CACNA2D3: variants seen among roughly 807,000 people sequenced by gnomAD.
CACNA2D3 encodes the protein voltage-dependent calcium channel subunit alpha-2/delta-3.
A neutral mutation model predicts 160.6 loss-of-function variants in CACNA2D3; 60 were observed. That is an observed-to-expected ratio of 0.37 (90% CI 0.30 to 0.46). The LOEUF is 0.46. Ranked by LOEUF, CACNA2D3 falls within the 20% of genes least tolerant of loss-of-function variation. The pLI is 1.00. For synonymous variants in CACNA2D3, 558 were observed against 492.9 expected, an observed-to-expected ratio of 1.13 and a Z score of -1.75; for missense variants, 1,205 against 1,365.0, an observed-to-expected ratio of 0.88 and a Z score of 1.85.
At position 54,685,422 on chromosome 3, in the gene CACNA2D3, A is replaced by G. The variant is rs552917071; in HGVS notation, c.1167+43181A>G. On this transcript the variant is annotated intron_variant, in intron 11 of 37. Coordinates refer to ENST00000474759, the MANE Select transcript of CACNA2D3 (RefSeq NM_018398.3). ...GTTTTCCAATAAAACTTTATTTGCA[A>G]AAACTGGCAGTGGGCCAGATTTGGC... is the stretch of plus-strand genomic sequence containing the variant. Among the ~76,000 whole-genome samples the G allele has an allele frequency of 8.5e-5, 13 of 152,362 alleles. 2 individuals carry two copies. In the South Asian group the frequency reaches 1.9e-3, roughly 22 times the overall value.
Position 54,127,252 on chromosome 3 carries a change from A to G in CACNA2D3, c.204+3658A>G, listed in dbSNP as rs949015954. Among the ~76,000 whole-genome samples the G allele has an allele frequency of 5.9e-5, 9 of 152,228 alleles. No individual in the cohort carries two copies. The East Asian group carries it at 1.7e-3, about 29-fold the overall frequency. ...CCAGTAACGCTGGAACAGAATTGAC[A>G]TTTACCTTGGACGCCTCATGGAGCA... On this transcript the variant is annotated intron_variant, in intron 2 of 37. Coordinates refer to ENST00000474759, the MANE Select transcript of CACNA2D3 (RefSeq NM_018398.3).
intron 27 of CACNA2D3, among the ~76,000 whole-genome samples, chr3:54,946,142 TG>T (rs1244175816): frequency 2.6e-5 from 4 of 152,214 alleles, no homozygotes; most frequent in African/African-American, 4.8e-5. Context: ...CTCAGTTCTA[TG>T]GAATTCCACC....
At chr3:54,453,681 A>G (rs1362842675) in intron 4 of CACNA2D3, among the ~76,000 whole-genome samples, 1 of 151,962 alleles carries the variant, frequency 6.6e-6, no homozygotes, top group Non-Finnish European at 1.5e-5. Context: ...TTGCTCTCTC[A>G]ATTCCTTCTT....
chr3:55,062,609 C>G (rs1704541903), intron 35 of CACNA2D3, among the ~76,000 whole-genome samples: 1 of 152,202 alleles, frequency 6.6e-6, no homozygotes, highest in African/African-American at 2.4e-5. Context: ...ACTCACTATA[C>G]TGTATTGATG....
intron 11 of CACNA2D3, among the ~76,000 whole-genome samples, chr3:54,736,100 CATATATATGTATATATAT>C (rs1254075334): frequency 6.3e-5 from 3 of 47,908 alleles, no homozygotes; most frequent in South Asian, 1.3e-3. Flanking sequence ...TATATATATA[CATATATATGTATATATAT>C]ACATATATAT....
At chr3:54,797,844 T>G (rs1702897957) in intron 13 of CACNA2D3, among the ~76,000 whole-genome samples, 1 of 152,214 alleles carries the variant, frequency 6.6e-6, no homozygotes, top group Non-Finnish European at 1.5e-5. Context: ...AAAACCTGTT[T>G]GCAAACTAAA....
At chr3:54,456,935 C>A (rs936294369) in intron 4 of CACNA2D3, among the ~76,000 whole-genome samples, 3 of 151,708 alleles carry the variant, frequency 2.0e-5, no homozygotes, top group African/African-American at 7.2e-5. Context: ...TCTGTAGTAT[C>A]AGCTGTAATT....
intron 2 of CACNA2D3, among the ~76,000 whole-genome samples, chr3:54,268,150 G>C (rs6784994): frequency 0.43 from 64,870 of 152,038 alleles, 14,661 homozygotes; most frequent in African/African-American, 0.56. Flanking sequence ...TTGAAAAAGA[G>C]GTTTAAAGAA....
rs58289082 is a variant in CACNA2D3 at position 54,911,351 on chromosome 3, C to CTTTTTTTTTTTTTTTTTTT, written c.2449+11487_2449+11505dup. ...CCTCCTCCCCCTCCTTCTTTGTCGT[C>CTTTTTTTTTTTTTTTTTTT]TTTTTTTTTTTTTTTTTTTTTTAAA... On this transcript the variant is annotated intron_variant, in intron 27 of 37. Transcript: ENST00000474759. 2.7e-4 allele frequency among the ~76,000 whole-genome samples: 16 copies of CTTTTTTTTTTTTTTTTTTT among 58,582 alleles called. 1 individual carries two copies. The highest frequency in any genetic ancestry group is 8.8e-4 in the African/African-American group (10 of 11,312). The allele number at this position is 58,582 out of a possible 152,430, so 38.4% of individuals were successfully genotyped here.
At chr3:54,882,960 A>G (rs796079049) in intron 21 of CACNA2D3, among the ~76,000 whole-genome samples, 20 of 152,364 alleles carry the variant, frequency 1.3e-4, no homozygotes, top group African/African-American at 4.8e-4. Flanking sequence ...GGTGTGGGCT[A>G]TAATTCTACC....
intron 11 of CACNA2D3, among the ~76,000 whole-genome samples, chr3:54,727,314 G>A (rs188463155): frequency 1.3e-5 from 2 of 152,170 alleles, no homozygotes; most frequent in Admixed American, 1.3e-4. Flanking sequence ...TGGTGGGAGT[G>A]TAAATTAGTT....
intron 8 of CACNA2D3, among the ~76,000 whole-genome samples, chr3:54,578,288 A>G (rs1187279146): frequency 2.0e-5 from 3 of 152,196 alleles, no homozygotes; most frequent in Admixed American, 6.5e-5. Flanking sequence ...GATCAAGGAG[A>G]GCCATTTATA....
intron 2 of CACNA2D3, chr3:54,272,645 C>G (rs1000584560): frequency 6.6e-6 from 1 of 152,162 alleles, no homozygotes; most frequent in Admixed American, 6.5e-5. Flanking sequence ...TGCTTGGCTT[C>G]CCCCGAGAAC....
At chr3:54,368,803 G>A (rs1362088009) in intron 3 of CACNA2D3, among the ~76,000 whole-genome samples, 1 of 137,848 alleles carries the variant, frequency 7.3e-6, no homozygotes, top group African/African-American at 2.6e-5. Flanking sequence ...CTGGGTTCAC[G>A]CCATTCTCCT....
intron 27 of CACNA2D3, among the ~76,000 whole-genome samples, chr3:54,902,893 C>T (rs527537946): frequency 1.3e-5 from 2 of 152,202 alleles, no homozygotes; most frequent in Admixed American, 1.3e-4. Context: ...TAGCATAACC[C>T]GTTTTTATCT....
chr3:54,168,870 C>T (rs569559769), intron 2 of CACNA2D3, among the ~76,000 whole-genome samples: 19 of 152,120 alleles, frequency 1.2e-4, no homozygotes, highest in Non-Finnish European at 2.5e-4. Flanking sequence ...CTGTAGGTGC[C>T]GCATCCCAGG....
intron 13 of CACNA2D3, among the ~76,000 whole-genome samples, chr3:54,816,566 G>A (rs1265941188): frequency 1.3e-5 from 2 of 152,146 alleles, no homozygotes; most frequent in Admixed American, 1.3e-4. Context: ...GAAGAGCCTC[G>A]GTTCCAGCTT....
In CACNA2D3 at chr3:54,969,850, A is replaced by C; in HGVS notation, c.2556+6A>C. Reference sequence around the variant, plus strand: ...CCATCAGCTGTGATGATGAGGTAAGACGGCCTCCTGGTCCTGTTTCTACCC... The same window carrying C: ...CCATCAGCTGTGATGATGAGGTAAGCCGGCCTCCTGGTCCTGTTTCTACCC... On this transcript the variant is annotated splice_donor_region_variant and intron_variant, in intron 29 of 37. Coordinates refer to ENST00000474759, the MANE Select transcript of CACNA2D3 (RefSeq NM_018398.3). 6.2e-7 allele frequency: 1 copy of C among 1,613,000 alleles called. No individual in the cohort carries two copies. Among genetic ancestry groups the C allele is most frequent in the Non-Finnish European group, 8.5e-7 (1 of 1,179,326 alleles).
chr3:54,992,874 A>C (rs763737010), intron 31 of CACNA2D3, among the ~76,000 whole-genome samples: 16 of 152,230 alleles, frequency 1.1e-4, no homozygotes, highest in Admixed American at 4.6e-4. Flanking sequence ...GCTGTACAGG[A>C]AGCATGGCTG....
Sources: gnomAD v4.1 joint callset for allele counts (sites outside exome capture counted in the v4.1 genomes callset) on GRCh38, gnomAD v4.1.1 for gene constraint, MANE v1.5 for transcripts, NCBI Gene and HGNC (gene_info 2026-07-23, HGNC 2026-07-21) for gene names.